Variants in HYCC1 observed in about 807,000 individuals in gnomAD.
The protein encoded by HYCC1 is hyccin PI4KA lipid kinase complex subunit 1, also known as hyccin.
chr7:22,994,678 T>C, the HYCC1 span, among the ~76,000 whole-genome samples: 45,452 of 151,960 alleles, frequency 0.3, 6,950 homozygotes, highest in Admixed American at 0.37. Flanking sequence ...CAGAATAAAA[T>C]TGTTCCTCCC....
the HYCC1 span, among the ~76,000 whole-genome samples, chr7:22,914,970 A>G: frequency 2.6e-5 from 4 of 152,204 alleles, no homozygotes; most frequent in African/African-American, 4.8e-5. Flanking sequence ...AGGCATAGCC[A>G]AGGCTAATGC....
At chr7:22,933,057 A>AT in the HYCC1 span, among the ~76,000 whole-genome samples, 3 of 152,292 alleles carry the variant, frequency 2.0e-5, no homozygotes, top group African/African-American at 7.2e-5. Context: ...GCAAGAAAAG[A>AT]TTTTTTAGAG....
the HYCC1 span, among the ~76,000 whole-genome samples, chr7:22,965,676 G>C: frequency 1.3e-5 from 2 of 151,950 alleles, no homozygotes; most frequent in Admixed American, 1.3e-4. Flanking sequence ...GCCTAGGCTG[G>C]AGTGTAGTGG....
At chr7:22,995,134 G>A in the HYCC1 span, among the ~76,000 whole-genome samples, 32 of 152,236 alleles carry the variant, frequency 2.1e-4, no homozygotes, top group African/African-American at 6.7e-4. Context: ...GGGCTTAGAG[G>A]TAAAGTAGGT....
chr7:23,006,173 C>A, the HYCC1 span, among the ~76,000 whole-genome samples: 1 of 152,098 alleles, frequency 6.6e-6, no homozygotes, highest in African/African-American at 2.4e-5. Flanking sequence ...AAAACCCTAA[C>A]TGAATTAATT....
chr7:22,948,857 T>C, the HYCC1 span, among the ~76,000 whole-genome samples: 1 of 152,044 alleles, frequency 6.6e-6, no homozygotes, highest in African/African-American at 2.4e-5. Flanking sequence ...TTAATGAAAC[T>C]AAAAACCTCC....
At chr7:22,926,036 T>A in the HYCC1 span, among the ~76,000 whole-genome samples, 3 of 152,162 alleles carry the variant, frequency 2.0e-5, no homozygotes, top group Non-Finnish European at 4.4e-5. Context: ...TTCAACATTC[T>A]TAAAGAAAAG....
the HYCC1 span, among the ~76,000 whole-genome samples, chr7:22,982,439 G>C: frequency 6.6e-6 from 1 of 152,076 alleles, no homozygotes; most frequent in Non-Finnish European, 1.5e-5. Flanking sequence ...TCCAAAAGAG[G>C]TTAACTACTC....
At chr7:22,961,218 A>G in the HYCC1 span, 1 of 1,494,504 alleles carries the variant, frequency 6.7e-7, no homozygotes, top group Admixed American at 1.7e-5. Context: ...ATTTACATAA[A>G]TAAGTCAGGC....
At chr7:22,978,204 C>G in the HYCC1 span, 2 of 1,399,930 alleles carry the variant, frequency 1.4e-6, no homozygotes, top group Non-Finnish European at 2.0e-6. Flanking sequence ...AAATGAAAAG[C>G]AGTTGCACAG....
chr7:22,997,502 G>A, the HYCC1 span, among the ~76,000 whole-genome samples: 9 of 152,086 alleles, frequency 5.9e-5, no homozygotes, highest in Admixed American at 5.9e-4. Context: ...TAAATTAAGC[G>A]CTACCAGAAG....
the HYCC1 span, among the ~76,000 whole-genome samples, chr7:22,919,280 G>C: frequency 6.6e-6 from 1 of 152,224 alleles, no homozygotes; most frequent in Non-Finnish European, 1.5e-5. Context: ...TGTAATCCCA[G>C]CATTTTGGGA....
the HYCC1 span, among the ~76,000 whole-genome samples, chr7:22,905,344 T>C: frequency 6.6e-6 from 1 of 150,424 alleles, no homozygotes; most frequent in East Asian, 2.0e-4. Flanking sequence ...AGTGAGTAGC[T>C]GGGATTTAGA....
the HYCC1 span, among the ~76,000 whole-genome samples, chr7:22,997,812 C>CA: frequency 3.3e-5 from 5 of 152,092 alleles, no homozygotes; most frequent in South Asian, 8.3e-4. Flanking sequence ...CTATTTTCCC[C>CA]AAAAATCACA....
the HYCC1 span, among the ~76,000 whole-genome samples, chr7:22,901,777 G>A: frequency 2.0e-5 from 3 of 151,672 alleles, no homozygotes; most frequent in African/African-American, 4.8e-5. Flanking sequence ...CAAAATACAT[G>A]AAGAAAAAAA....
chr7:22,947,308 G>C, the HYCC1 span: 1 of 1,422,616 alleles, frequency 7.0e-7, no homozygotes, highest in Non-Finnish European at 9.5e-7. Context: ...CGTGAAATGA[G>C]AAAAGCAAAA....
chr7:22,898,649 C>T, the HYCC1 span, among the ~76,000 whole-genome samples: 28,593 of 147,692 alleles, frequency 0.19, 3,387 homozygotes, highest in Non-Finnish European at 0.27. Flanking sequence ...GTCGCCCAGC[C>T]TGGAGTACAG....
At chr7:22,970,196 A>G in the HYCC1 span, among the ~76,000 whole-genome samples, 1 of 152,366 alleles carries the variant, frequency 6.6e-6, no homozygotes, top group African/African-American at 2.4e-5. Context: ...GTGATCATCT[A>G]TCAGAGGCTG....
chr7:22,945,961 C>T, the HYCC1 span: 1 of 1,613,688 alleles, frequency 6.2e-7, no homozygotes, highest in Non-Finnish European at 8.5e-7. Context: ...TGCAAGATTC[C>T]CCTGTAGTTT....
Sources: allele counts gnomAD v4.1 joint callset (sites outside exome capture counted in the v4.1 genomes callset), GRCh38; gene constraint gnomAD v4.1.1; transcripts MANE v1.5; gene names NCBI Gene and HGNC (gene_info 2026-07-23, HGNC 2026-07-21).